The following TOE1 variants were observed in gnomAD, a reference collection of about 807,000 sequenced individuals.
TOE1 encodes target of EGR1 protein 1.
In TOE1, 50 loss-of-function variants were observed where a neutral mutation model predicts 49.2. The observed-to-expected ratio is 1.02, with a 90% confidence interval of 0.81 to 1.29. TOE1 has a LOEUF of 1.29. Ranked by LOEUF, TOE1 falls within the 50% of genes most tolerant of loss-of-function variation. The pLI, the probability that TOE1 is intolerant of heterozygous loss-of-function variation, is 0.00. For synonymous variants in TOE1, 221 were observed against 247.0 expected, an observed-to-expected ratio of 0.89 and a Z score of 0.99; for missense variants, 544 against 654.4, an observed-to-expected ratio of 0.83 and a Z score of 1.84.
chr1:45,343,922 C>A lies in TOE1; in HGVS notation c.*220C>A. ...ACTTTATTTTTAAGTCTGAAAATGT[C>A]TTGGGAAAGTTTTACAAAAAAAAAA... On this transcript the variant is annotated 3_prime_UTR_variant, in exon 8 of 8. Coordinates refer to ENST00000372090, the MANE Select transcript of TOE1 (RefSeq NM_025077.4). The surrounding 1 kb of genome is among the most constrained non-coding windows in gnomAD (Gnocchi z 4.3). The A allele has an allele frequency of 4.7e-6, 2 of 426,942 alleles. No homozygotes were observed. The highest frequency in any genetic ancestry group is 8.2e-6 in the Non-Finnish European group (2 of 243,124). The allele number at this position is 426,942 out of a possible 1,614,324, so 26.4% of individuals were successfully genotyped here.
intron 1 of TOE1, 34 bp from the exon 2 acceptor site, chr1:45,341,039 A>C: frequency 6.2e-7 from 1 of 1,613,534 alleles, no homozygotes; most frequent in Non-Finnish European, 8.5e-7. Context: ...CTCTTTCCTT[A>C]AGCATGAACA....
intron 1 of TOE1, 138 bp from the exon 2 acceptor site, chr1:45,340,935 C>CG: frequency 8.1e-7 from 1 of 1,233,312 alleles, no homozygotes; most frequent in Non-Finnish European, 1.2e-6. Context: ...GTGTAGAACA[C>CG]GTGGGTTACA....
intron 5 of TOE1, 109 bp from the exon 6 acceptor site, chr1:45,342,274 GT>G (rs1201347353): frequency 8.5e-6 from 13 of 1,527,232 alleles, no homozygotes; most frequent in Non-Finnish European, 1.1e-5. Context: ...GCAGCATTGG[GT>G]AAGGTAGAGA....
intron 1 of TOE1, 107 bp from the exon 2 acceptor site, chr1:45,340,966 C>T: frequency 6.7e-7 from 1 of 1,493,522 alleles, no homozygotes; most frequent in Non-Finnish European, 9.2e-7. Context: ...GGAAAAGCTA[C>T]CAATGGAAAC....
chr1:45,343,954 A>C lies in TOE1; in HGVS notation c.*252A>C. ...AAGTTTTACAAAAAAAAAAATCAACAGAAGCAAGTTATGAAAATATTTGAC... is the reference window on the plus strand; with the variant it reads ...AAGTTTTACAAAAAAAAAAATCAACCGAAGCAAGTTATGAAAATATTTGAC... On this transcript the variant is annotated 3_prime_UTR_variant, in exon 8 of 8. Transcript: ENST00000372090. This position sits in a 1 kb window ranked among gnomAD's most constrained non-coding sequence, Gnocchi z 4.3. The C allele has an allele frequency of 2.3e-6, 1 of 425,724 alleles. No individual in the cohort carries two copies. The highest frequency in any genetic ancestry group is 4.2e-6 in the Non-Finnish European group (1 of 236,416). 26.4% of individuals were successfully genotyped at this position (425,724 alleles called of 1,614,324 possible). A position where few individuals can be genotyped will look rare whatever the true frequency, so the allele number is the denominator to read the frequency against.
intron 1 of TOE1, chr1:45,340,512 T>C: frequency 2.1e-6 from 3 of 1,431,590 alleles, no homozygotes; most frequent in African/African-American, 1.4e-5. Flanking sequence ...GATGGAGGCA[T>C]GGCGGGAGAT....
chr1:45,341,589 C>T lies in TOE1; in HGVS notation c.333+20C>T. On this transcript the variant is annotated intron_variant, in intron 4 of 7. Coordinates refer to ENST00000372090, the MANE Select transcript of TOE1 (RefSeq NM_025077.4). ...GACAAGGTATGAGCTGATCTCACCC[C>T]AATCCTAGGTGTGGCTGTGGGGTGG... 6.2e-7 allele frequency: 1 copy of T among 1,606,864 alleles called. No individual in the cohort carries two copies. The highest frequency in any genetic ancestry group is 1.7e-5 in the Admixed American group (1 of 59,278).
Position 45,342,587 on chromosome 1 carries a change from T to C in TOE1, c.696T>C (p.Ala232=). 1 of 1,614,166 alleles carries C rather than the reference T, an allele frequency of 6.2e-7. No individual in the cohort carries two copies. Among genetic ancestry groups the C allele is most frequent in the East Asian group, 2.2e-5 (1 of 44,886 alleles). The stretch of plus-strand genomic sequence containing the variant: ...CAGGCATTTATGACACCAAATATGC[T>C]GCTGAGTTTCATGCCCGTTTCGTGG... The part of the protein sequence containing the change: ...FPAGIYDTKY[A]AEFHARFVAS... Residue 232 remains alanine, a synonymous_variant, in exon 6 of 8, where the codon GCT becomes GCC. Coordinates refer to ENST00000372090, the MANE Select transcript of TOE1 (RefSeq NM_025077.4).
In TOE1 at chr1:45,341,162, T is replaced by G; in HGVS notation, c.142T>G (p.Trp48Gly). 1 of 1,614,166 alleles carries G rather than the reference T, an allele frequency of 6.2e-7. No homozygotes were observed. The highest frequency in any genetic ancestry group is 8.5e-7 in the Non-Finnish European group (1 of 1,180,018). Residue 48 changes from tryptophan to glycine, a missense_variant, in exon 2 of 8, where the codon TGG becomes GGG. By Grantham distance (184) the Trp-to-Gly change is radical. Transcript: ENST00000372090. Reference protein sequence around the residue: ...DVQSNNFKEMWPSLLLAIKTA... With the variant: ...DVQSNNFKEMGPSLLLAIKTA... The stretch of plus-strand genomic sequence containing the variant: ...GCAAAGCAACAACTTCAAGGAGATG[T>G]GGCCATCCCTCCTGCTAGCCATAAA...
Position 45,342,468 on chromosome 1 carries a change from C to G in TOE1, c.577C>G (p.Leu193Val), listed in dbSNP as rs770222170. 1 of 1,614,172 alleles carries G rather than the reference C, an allele frequency of 6.2e-7. No individual in the cohort carries two copies. The highest frequency in any genetic ancestry group is 1.1e-5 in the South Asian group (1 of 91,084). The change falls in exon 6 of 8, where the codon CTT becomes GTT. Residue 193 changes from leucine to valine, a missense_variant. Leu to Val is a conservative substitution (Grantham distance 32, BLOSUM62 1). Coordinates refer to ENST00000372090, the MANE Select transcript of TOE1 (RefSeq NM_025077.4). ...CCGGCCCCTGGTGCTACACAATGGC[C>G]TTATAGACTTGGTGTTCCTGTACCA... ...ARRPLVLHNG[L>V]IDLVFLYQNF...
At chr1:45,340,371 C>T (rs1163796842) in intron 1 of TOE1, 67 bp downstream of exon 1, 5 of 1,561,554 alleles carry the variant, frequency 3.2e-6, no homozygotes, top group Non-Finnish European at 4.3e-6. Context: ...GCCTCGGGCT[C>T]ATAGTTCTAG....
chr1:45,340,950 C>T, intron 1 of TOE1, 123 bp from the exon 2 acceptor site: 1 of 1,408,794 alleles, frequency 7.1e-7, no homozygotes, highest in South Asian at 1.3e-5. Context: ...GTTACAAAGG[C>T]TTGTGGGAAA....
Position 45,341,104 on chromosome 1 carries a change from G to A in TOE1, c.84G>A (p.Glu28=), listed in dbSNP as rs1023691618. The A allele has an allele frequency of 6.2e-7, 1 of 1,614,206 alleles. No individual in the cohort carries two copies. Among genetic ancestry groups the A allele is most frequent in the Non-Finnish European group, 8.5e-7 (1 of 1,180,042 alleles). The change falls in exon 2 of 8, where the codon GAG becomes GAA. Residue 28 remains glutamate (E), a synonymous_variant. Transcript: ENST00000372090. ...GGVSKSTTSG[E]ELVVQVPVVD... Reference sequence around the variant, plus strand: ...TCAGCAAAAGCACAACATCTGGGGAGGAGCTAGTAGTCCAGGTTCCCGTAG... The same window carrying A: ...TCAGCAAAAGCACAACATCTGGGGAAGAGCTAGTAGTCCAGGTTCCCGTAG...
chr1:45,343,536 T>C lies in TOE1; in HGVS notation c.1367T>C (p.Val456Ala). 6.2e-7 allele frequency: 1 copy of C among 1,614,110 alleles called. No homozygotes were observed. The highest frequency in any genetic ancestry group is 1.3e-5 in the African/African-American group (1 of 75,030). Residue 456 changes from valine to alanine, a missense_variant, in exon 8 of 8, where the codon GTG becomes GCG. By Grantham distance (64) the Val-to-Ala change is moderately conservative (BLOSUM62 0). Transcript: ENST00000372090. The surrounding 1 kb of genome is among the most constrained non-coding windows in gnomAD (Gnocchi z 4.3). ...GGTTATGTGATGGCCTATGTGGAAG[T>C]GAGCCAGGGACCGCAGCCCTGCAGC... ...MTGYVMAYVEVSQGPQPCSSG... is the reference protein window; with the variant it reads ...MTGYVMAYVEASQGPQPCSSG...
rs758153898 is a variant in TOE1 at position 45,343,126 on chromosome 1, C to A, written c.957C>A (p.His319Gln). The A allele has an allele frequency of 3.7e-6, 6 of 1,613,764 alleles. No homozygotes were observed. The highest frequency in any genetic ancestry group is 5.1e-6 in the Non-Finnish European group (6 of 1,179,988). ...CPLGPQCPQS[H>Q]DIDLIIDTDE... is the part of the protein sequence containing the mutation. ...TGGGACCACAGTGTCCTCAGTCTCA[C>A]GATATTGACCTTATCATTGACACTG... Residue 319 changes from histidine (H) to glutamine (Q), a missense_variant, in exon 8 of 8, where the codon CAC (histidine) becomes CAA (glutamine). Physicochemically the swap from His to Gln is conservative, Grantham distance 24. Coordinates refer to ENST00000372090, the MANE Select transcript of TOE1 (RefSeq NM_025077.4). The surrounding 1 kb of genome is among the most constrained non-coding windows in gnomAD (Gnocchi z 4.3).
In TOE1 at chr1:45,343,123, T is replaced by C. The variant is rs765224939; in HGVS notation, c.954T>C (p.Ser318=). The change falls in exon 8 of 8, where the codon TCT becomes TCC. Residue 318 remains serine, a synonymous_variant. Coordinates refer to ENST00000372090, the MANE Select transcript of TOE1 (RefSeq NM_025077.4). This position sits in a 1 kb window ranked among gnomAD's most constrained non-coding sequence, Gnocchi z 4.3. ...WCPLGPQCPQ[S]HDIDLIIDTD... ...CCCTGGGACCACAGTGTCCTCAGTC[T>C]CACGATATTGACCTTATCATTGACA... 6.2e-7 allele frequency: 1 copy of C among 1,613,852 alleles called. No individual in the cohort carries two copies. Among genetic ancestry groups the C allele is most frequent in the Admixed American group, 1.7e-5 (1 of 59,988 alleles).
chr1:45,341,244 T>TG, intron 2 of TOE1, 29 bp downstream of exon 2: 1 of 1,614,116 alleles, frequency 6.2e-7, no homozygotes, highest in South Asian at 1.1e-5. Context: ...GGAGGGCAGG[T>TG]GGTTGTGAAG....
chr1:45,342,911 C>T lies in TOE1; in HGVS notation c.821C>T (p.Pro274Leu), dbSNP rs1647068230. Residue 274 changes from proline to leucine, a missense_variant, in exon 7 of 8, where the codon CCT becomes CTT. Coordinates refer to ENST00000372090, the MANE Select transcript of TOE1 (RefSeq NM_025077.4). ...PHLTLEFCNY[P>L]SSMRDHIDYR... is the part of the protein sequence containing the mutation. ...CTTACCCTGGAGTTCTGCAACTATC[C>T]TTCCAGCATGAGGGACCATATTGAT... The T allele has an allele frequency of 6.2e-6, 10 of 1,613,998 alleles. No individual in the cohort carries two copies. The highest frequency in any genetic ancestry group is 1.3e-5 in the African/African-American group (1 of 74,964).
Position 45,343,768 on chromosome 1 carries a change from T to C in TOE1, c.*66T>C. Reference sequence around the variant, plus strand: ...TGGGTCTCTCTAGCCTGAAATGTCATCCTCAACTGCTACTGAGTTTAGGGG... The same window carrying C: ...TGGGTCTCTCTAGCCTGAAATGTCACCCTCAACTGCTACTGAGTTTAGGGG... On this transcript the variant is annotated 3_prime_UTR_variant, in exon 8 of 8. Transcript: ENST00000372090. The surrounding 1 kb of genome is among the most constrained non-coding windows in gnomAD (Gnocchi z 4.3). 6.5e-7 allele frequency: 1 copy of C among 1,526,760 alleles called. No individual in the cohort carries two copies. The allele number at this position is 1,526,760 out of a possible 1,614,324, so 94.6% of individuals were successfully genotyped here. A position where few individuals can be genotyped will look rare whatever the true frequency, so the allele number is the denominator to read the frequency against.
Sources: allele counts gnomAD v4.1 joint callset, GRCh38; gene constraint gnomAD v4.1.1; non-coding constraint Gnocchi (gnomAD v3.1); transcripts MANE v1.5; gene names NCBI Gene and HGNC (gene_info 2026-07-23, HGNC 2026-07-21).